The following APBA2 variants were observed in gnomAD, a reference collection of about 807,000 sequenced individuals.
APBA2 encodes amyloid beta precursor protein binding family A member 2.
APBA2 carries 30 observed loss-of-function variants against 75.0 expected under a neutral mutation model. The observed-to-expected ratio is 0.40, with a 90% CI of 0.30 to 0.54. APBA2 has a LOEUF of 0.54. APBA2 is among the 20% of genes least tolerant of loss of function. APBA2 has a pLI of 0.49. For missense variants in APBA2, 801 were observed against 1,016.1 expected (o/e 0.79, Z 2.88); for synonymous variants, 444 against 409.6 (o/e 1.08, Z -1.01).
At chr15:29,110,978 C>T (rs960591230) in intron 13 of APBA2, among the ~76,000 whole-genome samples, 2 of 151,840 alleles carry the variant, frequency 1.3e-5, no homozygotes, top group African/African-American at 4.8e-5. Flanking sequence ...AAGGTGGGTC[C>T]GAGTGGCCAG....
chr15:29,018,416 A>T (rs903210782), intron 3 of APBA2, among the ~76,000 whole-genome samples: 7 of 152,210 alleles, frequency 4.6e-5, no homozygotes, highest in African/African-American at 1.7e-4. Context: ...GGGAGGAATT[A>T]TATATCCCTA....
intron 1 of APBA2, among the ~76,000 whole-genome samples, chr15:28,901,940 G>GTGTGTGTGTGTGTGTGTGTA (rs1338480866): frequency 1.4e-5 from 2 of 145,306 alleles, no homozygotes; most frequent in African/African-American, 5.0e-5. Flanking sequence ...GTGTGTGTGT[G>GTGTGTGTGTGTGTGTGTGTA]TATGTTGGGG....
At chr15:28,979,556 AG>A (rs1008592053) in intron 2 of APBA2, among the ~76,000 whole-genome samples, 14 of 152,202 alleles carry the variant, frequency 9.2e-5, no homozygotes, top group African/African-American at 3.4e-4. Flanking sequence ...GGTGGAGTCC[AG>A]AGTTTCTTCC....
At chr15:29,028,993 C>T (rs939732363) in intron 3 of APBA2, among the ~76,000 whole-genome samples, 1 of 152,112 alleles carries the variant, frequency 6.6e-6, no homozygotes, top group Admixed American at 6.5e-5. Flanking sequence ...TTTTGCTGTG[C>T]AGAAGCTCTT....
At chr15:29,039,113 G>GTGTGTT (rs2040899651) in intron 3 of APBA2, among the ~76,000 whole-genome samples, 1 of 122,866 alleles carries the variant, frequency 8.1e-6, no homozygotes, top group Non-Finnish European at 1.8e-5. Flanking sequence ...GTGTGTGTGT[G>GTGTGTT]TGTGTGTGTG....
intron 6 of APBA2, among the ~76,000 whole-genome samples, chr15:29,080,872 G>A (rs949569414): frequency 6.6e-6 from 1 of 152,190 alleles, no homozygotes; most frequent in Non-Finnish European, 1.5e-5. Flanking sequence ...TCTGCTTTTT[G>A]TACTTTGTTC....
chr15:29,056,546 G>A (rs1231313698), intron 4 of APBA2, among the ~76,000 whole-genome samples: 1 of 118,664 alleles, frequency 8.4e-6, no homozygotes, highest in African/African-American at 3.3e-5. Context: ...CCTCCTTTCT[G>A]TCCTTTCCTC....
chr15:29,041,347 G>A (rs1157967610), intron 3 of APBA2, among the ~76,000 whole-genome samples: 1 of 151,956 alleles, frequency 6.6e-6, no homozygotes, highest in Non-Finnish European at 1.5e-5. Context: ...GCTGAGCCTG[G>A]TGGCACACAC....
At chr15:28,912,966 C>T (rs896860774) in intron 1 of APBA2, among the ~76,000 whole-genome samples, 5 of 152,172 alleles carry the variant, frequency 3.3e-5, no homozygotes, top group Admixed American at 6.5e-5. Flanking sequence ...CTGCGGTGGG[C>T]GAGCCAGAGG....
At chr15:29,104,058 G>A (rs1595979181) in intron 10 of APBA2, among the ~76,000 whole-genome samples, 2 of 152,268 alleles carry the variant, frequency 1.3e-5, no homozygotes, top group East Asian at 3.9e-4. Flanking sequence ...CTGCTGGAGG[G>A]CAGGCCGCCT....
rs1029668739 is a variant in APBA2 at position 29,117,386 on chromosome 15, T to A, written c.*253T>A. ...CCAAGTATTTTGCCACGTTCTGGAC[T>A]GTCTTCTCCCTGCACAAGCCAGGGT... On this transcript the variant is annotated 3_prime_UTR_variant, in exon 15 of 15. Transcript: ENST00000683413. 1.8e-6 allele frequency: 1 copy of A among 564,750 alleles called. No homozygotes were observed. The highest frequency in any genetic ancestry group is 3.2e-6 in the Non-Finnish European group (1 of 314,816). 35.0% of individuals were successfully genotyped at this position (564,750 alleles called of 1,614,324 possible). A position where few individuals can be genotyped will look rare whatever the true frequency, so the allele number is the denominator to read the frequency against.
intron 1 of APBA2, among the ~76,000 whole-genome samples, chr15:28,916,097 C>T (rs1204780109): frequency 2.0e-5 from 3 of 152,248 alleles, no homozygotes; most frequent in South Asian, 2.1e-4. Flanking sequence ...CTGTCCTGGC[C>T]GGCACATTCC....
At chr15:28,913,615 T>C (rs1046457978) in intron 1 of APBA2, among the ~76,000 whole-genome samples, 2 of 152,288 alleles carry the variant, frequency 1.3e-5, no homozygotes, top group Admixed American at 1.3e-4. Flanking sequence ...TCTGAATGGA[T>C]TCAGGAAATC....
intron 3 of APBA2, among the ~76,000 whole-genome samples, chr15:29,029,423 G>A (rs779315683): frequency 3.3e-5 from 5 of 150,668 alleles, no homozygotes; most frequent in African/African-American, 7.3e-5. Flanking sequence ...CTAATTTTTT[G>A]TTCATGTCTA....
At chr15:28,969,611 A>G (rs1002502464) in intron 2 of APBA2, among the ~76,000 whole-genome samples, 1 of 152,176 alleles carries the variant, frequency 6.6e-6, no homozygotes, top group Non-Finnish European at 1.5e-5. Flanking sequence ...GCTGTGTCAC[A>G]TGTGACTGTC....
intron 14 of APBA2, among the ~76,000 whole-genome samples, chr15:29,116,613 GCA>G (rs2045176474): frequency 6.7e-6 from 1 of 148,202 alleles, no homozygotes; most frequent in African/African-American, 2.5e-5. Flanking sequence ...GGGCGACAGA[GCA>G]AGACTCCGTC....
intron 4 of APBA2, among the ~76,000 whole-genome samples, chr15:29,068,337 C>T (rs1320252880): frequency 6.6e-6 from 1 of 152,198 alleles, no homozygotes; most frequent in African/African-American, 2.4e-5. Flanking sequence ...CATGCTGGCC[C>T]CTAAGCAATG....
At chr15:29,111,987 C>T (rs1567030306) in intron 13 of APBA2, among the ~76,000 whole-genome samples, 1 of 152,170 alleles carries the variant, frequency 6.6e-6, no homozygotes, top group Non-Finnish European at 1.5e-5. Context: ...GAGCCTGGAA[C>T]CCCGGGCTCC....
rs142537417 is a variant in APBA2 at position 29,098,735 on chromosome 15, C to T, written c.1338+159C>T. Among the ~76,000 whole-genome samples, 516 of 152,330 alleles carry T rather than the reference C, an allele frequency of 3.4e-3. 1 individual carries two copies. Among genetic ancestry groups the T allele is most frequent in the African/African-American group, 0.012 (499 of 41,584 alleles). ...CCCGGGCTGCGGGAGGAGCAAGGAG[C>T]GCACAGCAGGTAGCAGTCGTGCTGG... On this transcript the variant is annotated intron_variant, in intron 9 of 14. Transcript: ENST00000683413.
Sources: gnomAD v4.1 joint callset for allele counts (sites outside exome capture counted in the v4.1 genomes callset) on GRCh38, gnomAD v4.1.1 for gene constraint, MANE v1.5 for transcripts, NCBI Gene and HGNC (gene_info 2026-07-23, HGNC 2026-07-21) for gene names.